The following ACLY variants were observed in gnomAD, a reference collection of about 807,000 sequenced individuals.
The protein encoded by ACLY is ATP-citrate synthase.
Under a neutral mutation model 133.0 loss-of-function variants are expected in ACLY, and 41 were observed. The ratio of observed to expected loss-of-function variants is 0.31; its 90% CI spans 0.24 to 0.40. The LOEUF is 0.40. Among genes scored for constraint, ACLY ranks in the 10% least tolerant of loss-of-function variants. ACLY has a pLI of 1.00. For missense variants in ACLY, 1,046 were observed against 1,453.8 expected (o/e 0.72, Z 4.56); for synonymous variants, 495 against 549.3 (o/e 0.90, Z 1.38).
intron 22 of ACLY, among the ~76,000 whole-genome samples, chr17:41,876,956 C>A (rs1251132272): frequency 6.6e-6 from 1 of 151,894 alleles, no homozygotes; most frequent in Non-Finnish European, 1.5e-5. Context: ...ATGGGGGAGC[C>A]CTTCAATATG....
chr17:41,913,941 A>T, intron 1 of ACLY, 45 bp from the exon 2 acceptor site: 2 of 1,589,040 alleles, frequency 1.3e-6, no homozygotes, highest in African/African-American at 1.3e-5. Context: ...AGGCGTGTGG[A>T]GGCACTATCT....
chr17:41,874,009 C>G, intron 22 of ACLY, 44 bp from the exon 23 acceptor site: 2 of 1,542,474 alleles, frequency 1.3e-6, no homozygotes, highest in South Asian at 1.2e-5. Context: ...CTGGTGACCA[C>G]CACAGATTTT....
intron 20 of ACLY, 36 bp from the exon 21 acceptor site, chr17:41,878,960 C>T (rs782227179): frequency 6.2e-7 from 1 of 1,612,924 alleles, no homozygotes; most frequent in South Asian, 1.1e-5. Flanking sequence ...ACTGCTAATC[C>T]CCCAAGAGTG....
In ACLY at chr17:41,912,178, G is replaced by A. The variant is rs561949363; in HGVS notation, c.282+242C>T. 2.8e-4 allele frequency among the ~76,000 whole-genome samples: 42 copies of A among 151,856 alleles called. 1 individual carries two copies. Among genetic ancestry groups the A allele is most frequent in the African/African-American group, 1.0e-3 (42 of 41,416 alleles). The stretch of plus-strand genomic sequence containing the variant: ...CTTGAATTATATTGAGGTTACCTCT[G>A]CAGCACATCTTGCCCAAACCAATAA... On this transcript the variant is annotated intron_variant, in intron 3 of 28. Transcript: ENST00000352035.
At chr17:41,927,432 C>T (rs1387302561) in intron 1 of ACLY, among the ~76,000 whole-genome samples, 4 of 152,134 alleles carry the variant, frequency 2.6e-5, no homozygotes, top group African/African-American at 4.8e-5. Flanking sequence ...TTGATCTGCC[C>T]GCCTGGGCCT....
intron 7 of ACLY, 94 bp downstream of exon 7, chr17:41,907,348 C>T: frequency 1.2e-6 from 1 of 842,300 alleles, no homozygotes; most frequent in East Asian, 5.9e-5. Flanking sequence ...GCCAAATAAA[C>T]AGCTCATGAA....
chr17:41,926,990 T>A (rs2050251373), intron 1 of ACLY, among the ~76,000 whole-genome samples: 1 of 152,058 alleles, frequency 6.6e-6, no homozygotes, highest in Admixed American at 6.6e-5. Flanking sequence ...TGCCTCAGCC[T>A]CCCGAGTAAC....
chr17:41,900,656 T>C (rs1462117042), intron 11 of ACLY, among the ~76,000 whole-genome samples: 4 of 151,830 alleles, frequency 2.6e-5, no homozygotes, highest in African/African-American at 4.8e-5. Context: ...GCCCACAAGG[T>C]GGAGGCCGCA....
At chr17:41,910,378 C>G in intron 3 of ACLY, 94 bp from the exon 4 acceptor site, 4 of 1,030,356 alleles carry the variant, frequency 3.9e-6, no homozygotes, top group Non-Finnish European at 5.9e-6. Context: ...TGCCCAAGCA[C>G]TCCCACCACC....
upstream of ACLY, among the ~76,000 whole-genome samples, chr17:41,923,469 T>G (rs542291382): frequency 6.6e-6 from 1 of 152,250 alleles, no homozygotes; most frequent in Non-Finnish European, 1.5e-5. Context: ...TCATTTTGCC[T>G]ATGATCAACT....
chr17:41,889,546 A>AAAAAAAAAAAG, intron 16 of ACLY, among the ~76,000 whole-genome samples: 1 of 148,914 alleles, frequency 6.7e-6, no homozygotes, highest in African/African-American at 2.5e-5. Flanking sequence ...AAAAAAAAAA[A>AAAAAAAAAAAG]AAAAAAAAAA....
At chr17:41,877,853 ACTCGGACTGG>A (rs1555626434) in intron 22 of ACLY, among the ~76,000 whole-genome samples, 1 of 151,936 alleles carries the variant, frequency 6.6e-6, no homozygotes, top group African/African-American at 2.4e-5. Flanking sequence ...CAGTTTTGGG[ACTCGGACTGG>A]CTCTCCTTGC....
At chr17:41,909,736 T>C in intron 4 of ACLY, 36 bp from the exon 5 acceptor site, 2 of 1,599,374 alleles carry the variant, frequency 1.3e-6, no homozygotes, top group African/African-American at 1.3e-5. Context: ...GGGATTGGGG[T>C]TGTGGGGGCG....
At chr17:41,880,722 C>T (rs1416183882) in intron 20 of ACLY, among the ~76,000 whole-genome samples, 4 of 151,920 alleles carry the variant, frequency 2.6e-5, no homozygotes, top group Non-Finnish European at 5.9e-5. Context: ...AAAAATTAGC[C>T]GAGTGTGGTG....
At chr17:41,884,327 G>C (rs375286570) in intron 18 of ACLY, 53 bp from the exon 19 acceptor site, 23 of 1,217,620 alleles carry the variant, frequency 1.9e-5, no homozygotes, top group Non-Finnish European at 2.8e-5. Context: ...GCCTGGGGAA[G>C]TGTGTACAGG....
chr17:41,909,888 G>T (rs890724137), intron 4 of ACLY, among the ~76,000 whole-genome samples, 188 bp from the exon 5 acceptor site: 1 of 152,188 alleles, frequency 6.6e-6, no homozygotes, highest in Non-Finnish European at 1.5e-5. Context: ...CCGAGGACAA[G>T]AGGAAGAAGC....
intron 27 of ACLY, 32 bp downstream of exon 27, chr17:41,869,011 G>C (rs9912300): frequency 1.3e-6 from 2 of 1,566,250 alleles, no homozygotes; most frequent in Admixed American, 1.8e-5. Context: ...ATCAACAAAC[G>C]TAATGAAGAA....
Position 41,913,728 on chromosome 17 carries a change from CA to C in ACLY, c.145del (p.Trp49GlyfsTer8), listed in dbSNP as rs1555634040. ...GGCAGGGCTCACCTGGCTGAGCAGC[CA>C]GGGGTGGTCCTGCAGCAAGCGGGCC... ...DWARLLQDHP[W>X]LLSQNLVVKP... On this transcript the variant is annotated frameshift_variant, in exon 2 of 29. Coordinates refer to ENST00000352035, the MANE Select transcript of ACLY (RefSeq NM_001096.3). LOFTEE classifies it high-confidence loss of function. 6.2e-7 allele frequency: 1 copy of C among 1,613,966 alleles called. No individual in the cohort carries two copies. Among genetic ancestry groups the C allele is most frequent in the Non-Finnish European group, 8.5e-7 (1 of 1,179,984 alleles).
exon 1 of ACLY, chr17:41,930,502 C>T: frequency 2.0e-6 from 1 of 501,870 alleles, no homozygotes. Context: ...GCCCAGCCGT[C>T]AGCCACGCAA....
Sources: gnomAD v4.1 joint callset for allele counts (sites outside exome capture counted in the v4.1 genomes callset) on GRCh38, gnomAD v4.1.1 for gene constraint, MANE v1.5 for transcripts, NCBI Gene and HGNC (gene_info 2026-07-23, HGNC 2026-07-21) for gene names.